KLHL29: variants seen among roughly 807,000 people sequenced by gnomAD.
The protein encoded by KLHL29 is kelch like family member 29.
In KLHL29, 21 loss-of-function variants were observed where a neutral mutation model predicts 80.4. The ratio of observed to expected loss-of-function variants is 0.26; its 90% CI spans 0.19 to 0.38. The LOEUF (loss-of-function observed/expected upper bound fraction) is 0.38, where lower values mean the gene tolerates loss of function less well. Among genes scored for constraint, KLHL29 ranks in the 10% least tolerant of loss-of-function variants. KLHL29 has a pLI of 1.00. For missense variants in KLHL29, 867 were observed against 1,223.9 expected, an observed-to-expected ratio of 0.71 and a Z score of 4.35; for synonymous variants, 511 against 526.8, an observed-to-expected ratio of 0.97 and a Z score of 0.41.
intron 3 of KLHL29, among the ~76,000 whole-genome samples, chr2:23,618,699 C>A (rs1047287570): frequency 2.6e-5 from 4 of 152,106 alleles, no homozygotes; most frequent in African/African-American, 9.7e-5. Flanking sequence ...TATAATAAAT[C>A]GTATATTATA....
chr2:23,411,238 G>T (rs985535215), intron 1 of KLHL29, among the ~76,000 whole-genome samples: 5 of 152,142 alleles, frequency 3.3e-5, no homozygotes, highest in Non-Finnish European at 7.4e-5. Context: ...AAGGCCTAGG[G>T]ATTTGTGACA....
intron 3 of KLHL29, among the ~76,000 whole-genome samples, chr2:23,627,692 GTCTAAT>G (rs914244799): frequency 6.7e-6 from 1 of 150,148 alleles, no homozygotes; most frequent in Non-Finnish European, 1.5e-5. Flanking sequence ...CTTGTTAGGT[GTCTAAT>G]AAGGTCGCTG....
intron 1 of KLHL29, among the ~76,000 whole-genome samples, chr2:23,451,228 A>T (rs1663870429): frequency 6.6e-6 from 1 of 152,138 alleles, no homozygotes; most frequent in African/African-American, 2.4e-5. Flanking sequence ...CTTAATACAG[A>T]GAGAATTCCA....
intron 2 of KLHL29, among the ~76,000 whole-genome samples, chr2:23,522,658 GGTA>G (rs1021379389): frequency 2.0e-5 from 3 of 152,140 alleles, no homozygotes; most frequent in African/African-American, 7.2e-5. Context: ...AAAGTAGGCT[GGTA>G]GCCTTGAGTA....
chr2:23,516,878 A>G (rs367695445), intron 2 of KLHL29, among the ~76,000 whole-genome samples: 1 of 152,148 alleles, frequency 6.6e-6, no homozygotes, highest in African/African-American at 2.4e-5. Context: ...GATTCCCTCC[A>G]GACCCTCAGA....
chr2:23,634,762 G>T (rs544244253), intron 3 of KLHL29, among the ~76,000 whole-genome samples: 1 of 152,176 alleles, frequency 6.6e-6, no homozygotes, highest in Non-Finnish European at 1.5e-5. Flanking sequence ...CCCCCATGAC[G>T]TGGAAACCTC....
At chr2:23,577,912 T>C (rs956963948) in intron 3 of KLHL29, among the ~76,000 whole-genome samples, 2 of 152,132 alleles carry the variant, frequency 1.3e-5, no homozygotes, top group Admixed American at 1.3e-4. Flanking sequence ...TCATCCTGTC[T>C]CTGTTCGGAA....
chr2:23,531,692 C>G (rs1254406984), intron 2 of KLHL29, among the ~76,000 whole-genome samples: 2 of 152,200 alleles, frequency 1.3e-5, no homozygotes, highest in Non-Finnish European at 2.9e-5. Context: ...ACGCTCTTCA[C>G]AAAACCGTGG....
intron 1 of KLHL29, among the ~76,000 whole-genome samples, chr2:23,465,730 C>A (rs914496272): frequency 3.9e-5 from 6 of 152,178 alleles, no homozygotes; most frequent in African/African-American, 7.2e-5. Flanking sequence ...ACATTTGCCC[C>A]TCTGAATTTC....
intron 2 of KLHL29, among the ~76,000 whole-genome samples, chr2:23,517,719 G>A (rs779441591): frequency 2.0e-5 from 3 of 152,114 alleles, no homozygotes; most frequent in African/African-American, 2.4e-5. Flanking sequence ...GTCCACTCCC[G>A]CTGAATGGAT....
intron 1 of KLHL29, among the ~76,000 whole-genome samples, chr2:23,410,115 C>T (rs1340192221): frequency 6.6e-6 from 1 of 152,166 alleles, no homozygotes; most frequent in East Asian, 1.9e-4. Context: ...TGTCTAGCCG[C>T]ATAAGTATGC....
chr2:23,418,119 G>A (rs2103399602), intron 1 of KLHL29, among the ~76,000 whole-genome samples: 1 of 152,338 alleles, frequency 6.6e-6, no homozygotes, highest in South Asian at 2.1e-4. Context: ...AATGAATCCA[G>A]ACACACCTTC....
chr2:23,696,265 G>C lies in KLHL29; in HGVS notation c.1925-68G>C, dbSNP rs1423189789. On this transcript the variant is annotated intron_variant, in intron 10 of 13. Transcript: ENST00000486442. This position sits in a 1 kb window ranked among gnomAD's most constrained non-coding sequence, Gnocchi z 5.5. ...GGTGAAGCCTTCCTCTGCCCCTGGG[G>C]CTGGGCCTGCTGACCCCAGGCCCCT... The C allele has an allele frequency of 2.0e-6, 3 of 1,505,420 alleles. No individual in the cohort carries two copies. The highest frequency in any genetic ancestry group is 1.4e-5 in the African/African-American group (1 of 72,012). The allele number at this position is 1,505,420 out of a possible 1,614,324, so 93.3% of individuals were successfully genotyped here. A position where few individuals can be genotyped will look rare whatever the true frequency, so the allele number is the denominator to read the frequency against.
At chr2:23,569,246 A>G (rs1025447133) in intron 3 of KLHL29, among the ~76,000 whole-genome samples, 1 of 152,228 alleles carries the variant, frequency 6.6e-6, no homozygotes, top group African/African-American at 2.4e-5. Context: ...ACAAATTCTG[A>G]TGGGGAGACT....
intron 6 of KLHL29, among the ~76,000 whole-genome samples, chr2:23,688,274 T>TG (rs1671366465): frequency 6.6e-6 from 1 of 152,184 alleles, no homozygotes; most frequent in African/African-American, 2.4e-5. Flanking sequence ...CGCCCAGGCG[T>TG]TCATTCATGG....
At position 23,691,781 on chromosome 2, in the gene KLHL29, C is replaced by T. The variant is rs2149204636; in HGVS notation, c.1187C>T (p.Ser396Phe). The T allele has an allele frequency of 6.4e-7, 1 of 1,551,734 alleles. No homozygotes were observed. Among genetic ancestry groups the T allele is most frequent in the Middle Eastern group, 1.7e-4 (1 of 5,992 alleles). Reference sequence around the variant, plus strand: ...CTGCTGGAGTTTGTCTACACGGGCTCCCTGGTCATCGACTCGGCCAACGCC... The same window carrying T: ...CTGCTGGAGTTTGTCTACACGGGCTTCCTGGTCATCGACTCGGCCAACGCC... Reference protein sequence around the residue: ...ELLLEFVYTGSLVIDSANAKT... With the variant: ...ELLLEFVYTGFLVIDSANAKT... Residue 396 changes from serine to phenylalanine, a missense_variant, in exon 7 of 14, where the codon TCC becomes TTC. Ser to Phe is a radical substitution (Grantham distance 155, BLOSUM62 -2). Around this residue, in one of 2 missense-constraint regions of KLHL29, gnomAD observed 443 missense variants for 767.0 expected, o/e 0.58. Transcript: ENST00000486442.
At chr2:23,485,359 C>T (rs1664907572) in intron 2 of KLHL29, among the ~76,000 whole-genome samples, 1 of 152,192 alleles carries the variant, frequency 6.6e-6, no homozygotes, top group Non-Finnish European at 1.5e-5. Context: ...TAAAGTGGCT[C>T]CTTTAACCTG....
chr2:23,609,426 T>C lies in KLHL29; in HGVS notation c.286-29713T>C, dbSNP rs148872338. On this transcript the variant is annotated intron_variant, in intron 3 of 13. Coordinates refer to ENST00000486442, the MANE Select transcript of KLHL29 (RefSeq NM_052920.2). Reference sequence around the variant, plus strand: ...CACTGGAGAAGGCAGCAATCAGAGATGAGCTGGAGAGGTGAGCTGGGACCA... The same window carrying C: ...CACTGGAGAAGGCAGCAATCAGAGACGAGCTGGAGAGGTGAGCTGGGACCA... Among the ~76,000 whole-genome samples, 56 of 152,158 alleles carry C rather than the reference T, an allele frequency of 3.7e-4. 1 individual carries two copies. In the East Asian group the frequency reaches 0.01, roughly 28 times the overall value.
intron 6 of KLHL29, chr2:23,690,180 C>G (rs1671493976): frequency 6.6e-6 from 1 of 152,254 alleles, no homozygotes; most frequent in African/African-American, 2.4e-5. Flanking sequence ...GAGAATGTCG[C>G]TCTAATGGTG....
Sources: gnomAD v4.1 joint callset for allele counts (sites outside exome capture counted in the v4.1 genomes callset) on GRCh38, gnomAD v4.1.1 for gene constraint, gnomAD v4.1.1 regional missense constraint, Gnocchi (gnomAD v3.1) non-coding constraint, MANE v1.5 for transcripts, NCBI Gene and HGNC (gene_info 2026-07-23, HGNC 2026-07-21) for gene names.